The following NEMP2 variants were observed in gnomAD, a reference collection of about 807,000 sequenced individuals.
NEMP2 encodes nuclear envelope integral membrane protein 2.
Under a neutral mutation model 54.2 loss-of-function variants are expected in NEMP2, and 53 were observed. The ratio of observed to expected loss-of-function variants is 0.98; its 90% CI spans 0.78 to 1.23. NEMP2 has a LOEUF of 1.23. Ranked by LOEUF, NEMP2 falls within the 50% of genes most tolerant of loss-of-function variation. The pLI is 0.00. For synonymous variants in NEMP2, 197 were observed against 190.3 expected (o/e 1.04, Z -0.29); for missense variants, 455 against 511.3 (o/e 0.89, Z 1.06).
In NEMP2 at chr2:190,528,212, C is replaced by A. The variant is rs907241409; in HGVS notation, c.98-2834G>T. 2.0e-5 allele frequency among the ~76,000 whole-genome samples: 3 copies of A among 152,148 alleles called. No individual in the cohort carries two copies. The highest frequency in any genetic ancestry group is 2.0e-4 in the Admixed American group (3 of 15,280). On this transcript the variant is annotated intron_variant, in intron 1 of 8. Coordinates refer to ENST00000409150, the MANE Select transcript of NEMP2 (RefSeq NM_001142645.2). The surrounding 1 kb of genome is among the most constrained non-coding windows in gnomAD (Gnocchi z 4.3). Reference sequence around the variant, plus strand: ...AGTCCCAGGGATATCAAAGGGCTGGCAGCTACCTATAGAAAAGAAGAATGT... The same window carrying A: ...AGTCCCAGGGATATCAAAGGGCTGGAAGCTACCTATAGAAAAGAAGAATGT...
chr2:190,585,317 C>T, the NEMP2 span, among the ~76,000 whole-genome samples: 1 of 152,184 alleles, frequency 6.6e-6, no homozygotes, highest in Non-Finnish European at 1.5e-5. This position sits in a 1 kb window ranked among gnomAD's most constrained non-coding sequence, Gnocchi z 5.3. Context: ...TATCTTTAAA[C>T]TACTTACATA....
At chr2:190,635,301 A>G in the NEMP2 span, among the ~76,000 whole-genome samples, 1 of 152,196 alleles carries the variant, frequency 6.6e-6, no homozygotes, top group Non-Finnish European at 1.5e-5. This position sits in a 1 kb window ranked among gnomAD's most constrained non-coding sequence, Gnocchi z 4.1. Flanking sequence ...ACTGCAGCCT[A>G]CAACTCTTGG....
In NEMP2 at chr2:190,505,171, A is replaced by G. The variant is rs1447608611; in HGVS notation, c.*4018T>C. 3.9e-5 allele frequency: 6 copies of G among 152,206 alleles called. No individual in the cohort carries two copies. The highest frequency in any genetic ancestry group is 8.8e-5 in the Non-Finnish European group (6 of 68,040). 9.4% of individuals were successfully genotyped at this position (152,206 alleles called of 1,614,324 possible). ...TAGTCACCTCTTGAATGCCTTATCC[A>G]TGGGGTCATTTCCTTCACTTTCTTA... On this transcript the variant is annotated 3_prime_UTR_variant, in exon 9 of 9. Coordinates refer to ENST00000409150, the MANE Select transcript of NEMP2 (RefSeq NM_001142645.2). This position sits in a 1 kb window ranked among gnomAD's most constrained non-coding sequence, Gnocchi z 5.8.
the NEMP2 span, among the ~76,000 whole-genome samples, chr2:190,643,026 T>TTG: frequency 7.0e-6 from 1 of 142,874 alleles, no homozygotes; most frequent in Non-Finnish European, 1.5e-5. Flanking sequence ...GGTTAAGGTT[T>TTG]TTTTTTTTTT....
At chr2:190,618,623 A>C in the NEMP2 span, among the ~76,000 whole-genome samples, 2 of 152,188 alleles carry the variant, frequency 1.3e-5, no homozygotes. Flanking sequence ...TCTGTTCTTC[A>C]GGCCAGAGTA....
At chr2:190,566,226 C>G in the NEMP2 span, among the ~76,000 whole-genome samples, 2 of 152,172 alleles carry the variant, frequency 1.3e-5, no homozygotes, top group African/African-American at 2.4e-5. Flanking sequence ...TGTCAGAGAG[C>G]ATTCTATGAA....
Position 190,521,780 on chromosome 2 carries a change from C to A in NEMP2, c.214-2597G>T, listed in dbSNP as rs915566594. Among the ~76,000 whole-genome samples, 1 of 152,192 alleles carries A rather than the reference C, an allele frequency of 6.6e-6. No homozygotes were observed. The highest frequency in any genetic ancestry group is 1.5e-5 in the Non-Finnish European group (1 of 68,030). ...GACCTGTCAACAGCACTTGGCATTG[C>A]TGATTATTCCCTTCTCCTTATTATA... On this transcript the variant is annotated intron_variant, in intron 2 of 8. Transcript: ENST00000409150. The surrounding 1 kb of genome is among the most constrained non-coding windows in gnomAD (Gnocchi z 6.2).
At chr2:190,497,744 A>T in the NEMP2 span, 4 of 1,595,442 alleles carry the variant, frequency 2.5e-6, no homozygotes, top group South Asian at 2.2e-5. This position sits in a 1 kb window ranked among gnomAD's most constrained non-coding sequence, Gnocchi z 5.2. Flanking sequence ...CTGGGCTAGC[A>T]ATATTACCTG....
chr2:190,467,382 G>A, the NEMP2 span, among the ~76,000 whole-genome samples: 1 of 152,188 alleles, frequency 6.6e-6, no homozygotes, highest in East Asian at 1.9e-4. This position sits in a 1 kb window ranked among gnomAD's most constrained non-coding sequence, Gnocchi z 5.5. Context: ...GGAGGCCGAG[G>A]TGGGCGGACT....
chr2:190,457,092 C>CA, the NEMP2 span, among the ~76,000 whole-genome samples: 1 of 152,200 alleles, frequency 6.6e-6, no homozygotes, highest in African/African-American at 2.4e-5. This position sits in a 1 kb window ranked among gnomAD's most constrained non-coding sequence, Gnocchi z 5.1. Flanking sequence ...TCTTATGGTC[C>CA]AATCCAGAGG....
At chr2:190,474,263 C>T in the NEMP2 span, among the ~76,000 whole-genome samples, 5 of 152,002 alleles carry the variant, frequency 3.3e-5, no homozygotes, top group South Asian at 4.2e-4. Context: ...TTCAAAAAAT[C>T]AATGAATCCA....
At chr2:190,610,993 A>G in the NEMP2 span, 4 of 152,194 alleles carry the variant, frequency 2.6e-5, no homozygotes, top group African/African-American at 9.7e-5. The surrounding 1 kb of genome is among the most constrained non-coding windows in gnomAD (Gnocchi z 5.4). Flanking sequence ...AAGTTATCAG[A>G]AACCTGCATT....
intron 1 of NEMP2, among the ~76,000 whole-genome samples, chr2:190,526,825 T>C (rs978772682): frequency 6.6e-6 from 1 of 152,188 alleles, no homozygotes; most frequent in African/African-American, 2.4e-5. Flanking sequence ...AGGAGAAATT[T>C]GGCTGGAGAC....
At chr2:190,486,118 T>C in the NEMP2 span, among the ~76,000 whole-genome samples, 1 of 152,236 alleles carries the variant, frequency 6.6e-6, no homozygotes, top group Non-Finnish European at 1.5e-5. Context: ...TAAGATTATG[T>C]AGATGAGACC....
At position 190,525,297 on chromosome 2, in the gene NEMP2, T is replaced by C. The variant is rs1404949654; in HGVS notation, c.179A>G (p.Gln60Arg). 2 of 1,550,472 alleles carry C rather than the reference T, an allele frequency of 1.3e-6. No individual in the cohort carries two copies. The highest frequency in any genetic ancestry group is 4.9e-5 in the East Asian group (2 of 40,890). The change falls in exon 2 of 9, where the codon CAA becomes CGA. Residue 60 changes from glutamine to arginine, a missense_variant. By Grantham distance (43) the Gln-to-Arg change is conservative. Coordinates refer to ENST00000409150, the MANE Select transcript of NEMP2 (RefSeq NM_001142645.2). The surrounding 1 kb of genome is among the most constrained non-coding windows in gnomAD (Gnocchi z 5.0). ...SDCYCYNQNS[Q>R]VEWKYIWSTM... ...TGACCATATGTATTTCCACTCCACT[T>C]GGGAATTTTGATTGTAGCAGTAACA...
rs1346739192 is a variant in NEMP2 at position 190,510,838 on chromosome 2, G to A, written c.954-301C>T. Among the ~76,000 whole-genome samples the A allele has an allele frequency of 1.4e-5, 2 of 147,946 alleles. No individual in the cohort carries two copies. Among genetic ancestry groups the A allele is most frequent in the East Asian group, 2.0e-4 (1 of 5,026 alleles). On this transcript the variant is annotated intron_variant, in intron 7 of 8. Transcript: ENST00000409150. The surrounding 1 kb of genome is among the most constrained non-coding windows in gnomAD (Gnocchi z 5.7). The stretch of plus-strand genomic sequence containing the variant: ...AGAGGTTGCAGTAAGCCGAGATCGC[G>A]CCACTGCACTCCAGCCTGGGCGACA...
the NEMP2 span, among the ~76,000 whole-genome samples, chr2:190,627,656 G>C: frequency 6.7e-6 from 1 of 149,856 alleles, no homozygotes; most frequent in Non-Finnish European, 1.5e-5. The surrounding 1 kb of genome is among the most constrained non-coding windows in gnomAD (Gnocchi z 4.4). Flanking sequence ...TTAGTTACCA[G>C]TGTTGACTCT....
the NEMP2 span, among the ~76,000 whole-genome samples, chr2:190,563,883 A>G: frequency 1.3e-5 from 2 of 152,078 alleles, no homozygotes; most frequent in Non-Finnish European, 2.9e-5. The surrounding 1 kb of genome is among the most constrained non-coding windows in gnomAD (Gnocchi z 4.3). Flanking sequence ...AGGCCTCCCT[A>G]CTCTGTGGGG....
At chr2:190,501,274 T>C (rs1045349008), downstream of NEMP2, 30 of 152,246 alleles carry the variant, frequency 2.0e-4, no homozygotes, top group African/African-American at 6.0e-4. Flanking sequence ...AAACCATGAA[T>C]GGGAAGGATG....
Sources: allele counts gnomAD v4.1 joint callset (sites outside exome capture counted in the v4.1 genomes callset), GRCh38; gene constraint gnomAD v4.1.1; non-coding constraint Gnocchi (gnomAD v3.1); transcripts MANE v1.5; gene names NCBI Gene and HGNC (gene_info 2026-07-23, HGNC 2026-07-21).